The following SLFN12L variants were observed in gnomAD, a reference collection of about 807,000 sequenced individuals.
The protein encoded by SLFN12L is schlafen family member 12-like.
A neutral mutation model predicts 34.8 loss-of-function variants in SLFN12L; 34 were observed. The observed-to-expected ratio is 0.98, with a 90% CI of 0.74 to 1.30. The LOEUF (loss-of-function observed/expected upper bound fraction) is 1.30. Ranked by LOEUF, SLFN12L falls within the 50% of genes most tolerant of loss-of-function variation. SLFN12L has a pLI of 0.00. For synonymous variants in SLFN12L, 259 were observed against 247.5 expected, an observed-to-expected ratio of 1.05 and a Z score of -0.44; for missense variants, 703 against 696.2, an observed-to-expected ratio of 1.01 and a Z score of -0.11.
At chr17:35,482,787 T>C (rs1914399336) in intron 2 of SLFN12L, among the ~76,000 whole-genome samples, 1 of 152,018 alleles carries the variant, frequency 6.6e-6, no homozygotes, top group African/African-American at 2.4e-5. Context: ...GGGTCCCCAG[T>C]AGGGCCACAC....
At chr17:35,478,657 C>T (rs1253661590) in intron 3 of SLFN12L, among the ~76,000 whole-genome samples, 1 of 152,086 alleles carries the variant, frequency 6.6e-6, no homozygotes, top group East Asian at 1.9e-4. Context: ...CTTATTGGTA[C>T]AATTTAGGTT....
At chr17:35,506,143 A>C (rs1344330012) in intron 2 of SLFN12L, among the ~76,000 whole-genome samples, 2 of 152,216 alleles carry the variant, frequency 1.3e-5, no homozygotes, top group Non-Finnish European at 2.9e-5. Flanking sequence ...GTGGGGGCTC[A>C]TAAATGATAT....
chr17:35,496,091 C>A lies in SLFN12L; in HGVS notation c.87-15896G>T, dbSNP rs563273937. ...CCCACCCCCGGAACGGCTGTCACAG[C>A]AAGCAGGAGAGCAGCCCTGGGAACT... On this transcript the variant is annotated intron_variant, in intron 2 of 4. Transcript: ENST00000628453. 2.6e-5 allele frequency among the ~76,000 whole-genome samples: 4 copies of A among 152,138 alleles called. No homozygotes were observed. The South Asian group carries it at 8.3e-4, about 32-fold the overall frequency.
At position 35,498,186 on chromosome 17, in the gene SLFN12L, G is replaced by GGGAGCCGGGGCCGCCTGA; in HGVS notation, c.87-17992_87-17991insTCAGGCGGCCCCGGCTCC. 6 of 689,244 alleles carry GGGAGCCGGGGCCGCCTGA rather than the reference G, an allele frequency of 8.7e-6. No homozygotes were observed. In the South Asian group the frequency reaches 9.4e-5, roughly 11 times the overall value. 42.7% of individuals were successfully genotyped at this position (689,244 alleles called of 1,614,324 possible). On this transcript the variant is annotated intron_variant, in intron 2 of 4. Transcript: ENST00000628453. Reference sequence around the variant, plus strand: ...TCTCGATCCGGGAGGCGGCGGCGTGGGGAGCCGGGGCCGCCTGGGATGTTC... The same window carrying GGGAGCCGGGGCCGCCTGA: ...TCTCGATCCGGGAGGCGGCGGCGTGGGGAGCCGGGGCCGCCTGAGGAGCCGGGGCCGCCTGGGATGTTC...
chr17:35,499,087 T>G (rs1173190126), intron 2 of SLFN12L: 18 of 837,522 alleles, frequency 2.1e-5, no homozygotes, highest in Non-Finnish European at 3.3e-5. Flanking sequence ...TGTATAAAAC[T>G]TTGGAGCTTA....
At chr17:35,490,320 C>T in intron 2 of SLFN12L, 2 of 1,424,454 alleles carry the variant, frequency 1.4e-6, no homozygotes, top group South Asian at 1.1e-5. Context: ...CCAGATACTC[C>T]AAAAACTCCA....
chr17:35,531,795 T>A (rs2072413827), intron 1 of SLFN12L, among the ~76,000 whole-genome samples: 1 of 151,898 alleles, frequency 6.6e-6, no homozygotes, highest in Non-Finnish European at 1.5e-5. Context: ...TTTTTAAATT[T>A]TTTTTATTTT....
chr17:35,510,407 ATAT>A (rs1162759511), intron 2 of SLFN12L: 1 of 152,234 alleles, frequency 6.6e-6, no homozygotes, highest in Non-Finnish European at 1.5e-5. Flanking sequence ...ATGCAGTGAA[ATAT>A]TATTTGGCCA....
intron 2 of SLFN12L, among the ~76,000 whole-genome samples, chr17:35,495,832 C>A (rs754846400): frequency 5.3e-5 from 8 of 151,296 alleles, no homozygotes; most frequent in Non-Finnish European, 1.0e-4. Context: ...ACCCCCAGAC[C>A]CACTGGGATG....
chr17:35,499,169 G>A (rs1432999014), intron 2 of SLFN12L: 1 of 939,792 alleles, frequency 1.1e-6, no homozygotes, highest in Admixed American at 1.9e-5. Context: ...GTGATATTCT[G>A]GAGGAGGATG....
chr17:35,486,931 C>A (rs776347789), intron 2 of SLFN12L, among the ~76,000 whole-genome samples: 1 of 152,178 alleles, frequency 6.6e-6, no homozygotes, highest in Non-Finnish European at 1.5e-5. Flanking sequence ...CGTGATTTGC[C>A]GTCTTCGGAT....
chr17:35,498,964 A>G (rs1392954878), intron 2 of SLFN12L: 15 of 711,990 alleles, frequency 2.1e-5, no homozygotes, highest in Non-Finnish European at 3.9e-5. Flanking sequence ...AAGCAAGTCA[A>G]GGATGGGTGT....
rs1046693790 is a variant in SLFN12L, at chr17:35,534,472, T to C, written c.-606+3101A>G. 1.6e-4 allele frequency among the ~76,000 whole-genome samples: 24 copies of C among 152,324 alleles called. No homozygotes were observed. The East Asian group carries it at 3.7e-3, about 23-fold the overall frequency. ...TAGCTGAAGCAGGTTAGAGCAGTCA[T>C]GGAAAAGACCTTTCAGGATATGGTT... On this transcript the variant is annotated intron_variant, in intron 1 of 4. Coordinates refer to ENST00000628453, the MANE Select transcript of SLFN12L (RefSeq NM_001363830.2).
intron 1 of SLFN12L, among the ~76,000 whole-genome samples, chr17:35,536,397 A>G (rs534980945): frequency 3.9e-5 from 6 of 152,356 alleles, no homozygotes; most frequent in African/African-American, 1.4e-4. Context: ...GTTGGTAAAC[A>G]AAAAGACCCA....
chr17:35,494,894 TTTA>T (rs1914987468), intron 2 of SLFN12L, among the ~76,000 whole-genome samples: 1 of 103,852 alleles, frequency 9.6e-6, no homozygotes, highest in African/African-American at 3.7e-5. Flanking sequence ...ATTTATTTTA[TTTA>T]TTTATTTATT....
intron 2 of SLFN12L, among the ~76,000 whole-genome samples, chr17:35,501,854 A>G (rs1321566991): frequency 6.6e-6 from 1 of 152,174 alleles, no homozygotes; most frequent in South Asian, 2.1e-4. Flanking sequence ...GTTCCCATAC[A>G]TAGACACTTG....
rs778849564 is a variant in SLFN12L at position 35,487,872 on chromosome 17, C to G, written c.87-7677G>C. 7.3e-6 allele frequency: 7 copies of G among 957,618 alleles called. No individual in the cohort carries two copies. In the East Asian group the frequency reaches 1.6e-4, roughly 21 times the overall value. 59.3% of individuals were successfully genotyped at this position (957,618 alleles called of 1,614,324 possible). Reference sequence around the variant, plus strand: ...CTCGACTCCCCGGAAGTGGTGGCACCGCACGCGCTGTTATCGACTCTGCGC... The same window carrying G: ...CTCGACTCCCCGGAAGTGGTGGCACGGCACGCGCTGTTATCGACTCTGCGC... On this transcript the variant is annotated intron_variant, in intron 2 of 4. Transcript: ENST00000628453.
chr17:35,499,098 C>G (rs1915200450), intron 2 of SLFN12L: 2 of 835,530 alleles, frequency 2.4e-6, no homozygotes, highest in Non-Finnish European at 3.9e-6. Flanking sequence ...TTGGAGCTTA[C>G]AATCCAGGAA....
chr17:35,534,780 C>T (rs1317717592), intron 1 of SLFN12L, among the ~76,000 whole-genome samples: 1 of 152,148 alleles, frequency 6.6e-6, no homozygotes, highest in African/African-American at 2.4e-5. Flanking sequence ...CTTAGCCAAA[C>T]ATTGAAAGGG....
Sources: allele counts gnomAD v4.1 joint callset (sites outside exome capture counted in the v4.1 genomes callset), GRCh38; gene constraint gnomAD v4.1.1; transcripts MANE v1.5; gene names NCBI Gene and HGNC (gene_info 2026-07-23, HGNC 2026-07-21).